PCGF2: variants seen among roughly 807,000 people sequenced by gnomAD.
The protein encoded by PCGF2 is polycomb group ring finger 2.
In PCGF2, 8 loss-of-function variants were observed where a neutral mutation model predicts 36.1. That is an observed-to-expected ratio of 0.22 (90% CI 0.13 to 0.40). PCGF2 has a LOEUF of 0.40. Among genes scored for constraint, PCGF2 ranks in the 10% least tolerant of loss-of-function variants. PCGF2 has a pLI of 1.00. For synonymous variants in PCGF2, 198 were observed against 191.2 expected (o/e 1.04, Z -0.29); for missense variants, 436 against 475.9 (o/e 0.92, Z 0.78).
intron 9 of PCGF2, among the ~76,000 whole-genome samples, chr17:38,737,910 CAAAAA>C (rs57011839): frequency 4.5e-5 from 4 of 89,294 alleles, no homozygotes; most frequent in Admixed American, 2.6e-4. Context: ...GACTCCATCT[CAAAAA>C]AAAAAAAAAA....
chr17:38,747,016 A>T (rs1485481438), intron 2 of PCGF2, among the ~76,000 whole-genome samples: 1 of 152,170 alleles, frequency 6.6e-6, no homozygotes, highest in Non-Finnish European at 1.5e-5. Context: ...ACCAGGAGAC[A>T]GCCCTCCCCT....
At chr17:38,747,518 C>CT (rs943295651) in intron 2 of PCGF2, among the ~76,000 whole-genome samples, 2 of 138,748 alleles carry the variant, frequency 1.4e-5, no homozygotes, top group African/African-American at 5.2e-5. Context: ...TGCGGGGCCC[C>CT]GGGAGGGGTG....
At position 38,744,643 on chromosome 17, in the gene PCGF2, A is replaced by AC. The variant is rs1431626643; in HGVS notation, c.-41+3235dup. Among the ~76,000 whole-genome samples the AC allele has an allele frequency of 2.6e-5, 4 of 152,260 alleles. No homozygotes were observed. In the East Asian group the frequency reaches 7.8e-4, roughly 30 times the overall value. ...ACTGCTGGGATTACAGGCATGAGCCACCACACCCAGACCCATCTCTCCATT... is the reference window on the plus strand; with the variant it reads ...ACTGCTGGGATTACAGGCATGAGCCACCCACACCCAGACCCATCTCTCCATT... On this transcript the variant is annotated intron_variant, in intron 2 of 10. Coordinates refer to ENST00000620225, the MANE Select transcript of PCGF2 (RefSeq NM_007144.3).
intron 7 of PCGF2, 31 bp downstream of exon 7, chr17:38,738,722 C>A: frequency 6.3e-7 from 1 of 1,596,442 alleles, no homozygotes; most frequent in Non-Finnish European, 8.6e-7. Flanking sequence ...AGACTAGGAA[C>A]CCAGAAGGGG....
intron 9 of PCGF2, among the ~76,000 whole-genome samples, chr17:38,738,133 T>C (rs1293105110): frequency 6.6e-6 from 1 of 152,160 alleles, no homozygotes; most frequent in Non-Finnish European, 1.5e-5. Context: ...CATGCACACA[T>C]ACACACCGTC....
Position 38,734,610 on chromosome 17 carries a change from C to G in PCGF2, c.*613G>C, listed in dbSNP as rs1906527098. Reference sequence around the variant, plus strand: ...GGAGGAGGTGATGCAGGTGCCACCTCCACCCTGCACTTGCTCCTCAGAACC... The same window carrying G: ...GGAGGAGGTGATGCAGGTGCCACCTGCACCCTGCACTTGCTCCTCAGAACC... On this transcript the variant is annotated 3_prime_UTR_variant, in exon 11 of 11. Coordinates refer to ENST00000620225, the MANE Select transcript of PCGF2 (RefSeq NM_007144.3). 1 of 152,458 alleles carries G rather than the reference C, an allele frequency of 6.6e-6. No individual in the cohort carries two copies. The highest frequency in any genetic ancestry group is 2.1e-4 in the South Asian group (1 of 4,824). The allele number at this position is 152,458 out of a possible 1,614,324, so 9.4% of individuals were successfully genotyped here. A position where few individuals can be genotyped will look rare whatever the true frequency, so the allele number is the denominator to read the frequency against.
chr17:38,738,192 C>T (rs1214478004), intron 9 of PCGF2, among the ~76,000 whole-genome samples, 161 bp downstream of exon 9: 1 of 152,164 alleles, frequency 6.6e-6, no homozygotes, highest in Non-Finnish European at 1.5e-5. Flanking sequence ...CTAGACTGCC[C>T]CCAATCTTGG....
At chr17:38,741,755 A>G (rs1024823182) in intron 2 of PCGF2, among the ~76,000 whole-genome samples, 1 of 152,094 alleles carries the variant, frequency 6.6e-6, no homozygotes, top group Non-Finnish European at 1.5e-5. Context: ...TGAAGTTGGG[A>G]ACGTGCAGCT....
chr17:38,736,557 G>T (rs1463110326), intron 9 of PCGF2, among the ~76,000 whole-genome samples: 1 of 151,804 alleles, frequency 6.6e-6, no homozygotes, highest in Admixed American at 6.6e-5. Context: ...CAATGTGGCC[G>T]GGTGCGGTGG....
intron 3 of PCGF2, 114 bp downstream of exon 3, chr17:38,740,177 G>GAT: frequency 1.1e-6 from 1 of 872,080 alleles, no homozygotes; most frequent in Non-Finnish European, 1.8e-6. Flanking sequence ...CAGACACGTG[G>GAT]GCGCGTTGGC....
At chr17:38,743,300 CA>C (rs1390402763) in intron 2 of PCGF2, among the ~76,000 whole-genome samples, 5 of 150,108 alleles carry the variant, frequency 3.3e-5, no homozygotes, top group Admixed American at 3.3e-4. Context: ...TTCACCATGT[CA>C]GCCAGCCTTG....
At chr17:38,745,889 A>G (rs569533885) in intron 2 of PCGF2, among the ~76,000 whole-genome samples, 1 of 152,314 alleles carries the variant, frequency 6.6e-6, no homozygotes, top group South Asian at 2.1e-4. Context: ...TCCTACACAT[A>G]GGGAAACAGA....
chr17:38,738,976 G>A (rs1257816851), intron 6 of PCGF2, 92 bp downstream of exon 6: 12 of 1,539,200 alleles, frequency 7.8e-6, no homozygotes, highest in Middle Eastern at 2.3e-4. Flanking sequence ...AGAGGTGTGC[G>A]CGGAGGAGGT....
chr17:38,738,412 T>A lies in PCGF2; in HGVS notation c.517A>T (p.Thr173Ser). ...VRFLRCPAAMTVMHLAKFLRN... is the reference protein window; with the variant it reads ...VRFLRCPAAMSVMHLAKFLRN... ...AGAAACTTGGCAAGATGCATGACGG[T>A]CATGGCTGCTGGGCATCGCAGGAAG... The change falls in exon 9 of 11, where the codon ACC becomes TCC. Residue 173 changes from threonine to serine, a missense_variant. By Grantham distance (58) the Thr-to-Ser change is moderately conservative. This residue lies in a region of PCGF2 where 20 missense variants were observed against 43.7 expected (regional missense o/e 0.46). Transcript: ENST00000620225. 1 of 1,614,176 alleles carries A rather than the reference T, an allele frequency of 6.2e-7. No individual in the cohort carries two copies. The highest frequency in any genetic ancestry group is 1.1e-5 in the South Asian group (1 of 91,086).
In PCGF2 at chr17:38,740,273, C is replaced by G. The variant is rs780758275; in HGVS notation, c.112+18G>C. 1 of 1,608,656 alleles carries G rather than the reference C, an allele frequency of 6.2e-7. No homozygotes were observed. The highest frequency in any genetic ancestry group is 8.5e-7 in the Non-Finnish European group (1 of 1,175,220). ...CAGAGGCTGCCCACCCTGAGCAGCT[C>G]CCCTCCCCCCAACTCACAGGAATGC... On this transcript the variant is annotated intron_variant, in intron 3 of 10. Transcript: ENST00000620225.
At chr17:38,735,685 CCA>C (rs1284728932) in intron 10 of PCGF2, 85 bp from the exon 11 acceptor site, 4 of 1,443,378 alleles carry the variant, frequency 2.8e-6, no homozygotes, top group African/African-American at 1.4e-5. Context: ...CATCTCCACC[CCA>C]CAGTGTCCAA....
In PCGF2 at chr17:38,739,548, G is replaced by C. The variant is rs2050404960; in HGVS notation, c.209+38C>G. On this transcript the variant is annotated intron_variant, in intron 4 of 10. Transcript: ENST00000620225. This position sits in a 1 kb window ranked among gnomAD's most constrained non-coding sequence, Gnocchi z 4.0. ...GGGAGGGATGGGGGAGGCTGACCCA[G>C]AGGATCGCGGGGACAGGAGGTGCCG... 6.7e-7 allele frequency: 1 copy of C among 1,487,524 alleles called. No individual in the cohort carries two copies. The highest frequency in any genetic ancestry group is 1.1e-5 in the South Asian group (1 of 88,672). 92.1% of individuals were successfully genotyped at this position (1,487,524 alleles called of 1,614,324 possible). A position where few individuals can be genotyped will look rare whatever the true frequency, so the allele number is the denominator to read the frequency against.
intron 2 of PCGF2, among the ~76,000 whole-genome samples, chr17:38,744,313 A>G (rs1274586680): frequency 6.6e-6 from 1 of 151,922 alleles, no homozygotes; most frequent in Non-Finnish European, 1.5e-5. Context: ...CCAATCCTTA[A>G]AGACCCCTGC....
At chr17:38,743,695 T>C (rs1907352957) in intron 2 of PCGF2, among the ~76,000 whole-genome samples, 1 of 152,048 alleles carries the variant, frequency 6.6e-6, no homozygotes, top group African/African-American at 2.4e-5. Context: ...CTGATTGCCA[T>C]GGTTACCTGC....
Sources: gnomAD v4.1 joint callset for allele counts (sites outside exome capture counted in the v4.1 genomes callset) on GRCh38, gnomAD v4.1.1 for gene constraint, gnomAD v4.1.1 regional missense constraint, Gnocchi (gnomAD v3.1) non-coding constraint, MANE v1.5 for transcripts, NCBI Gene and HGNC (gene_info 2026-07-23, HGNC 2026-07-21) for gene names.